The following PTPRT variants were observed in gnomAD, a reference collection of about 807,000 sequenced individuals.
PTPRT encodes the protein receptor-type tyrosine-protein phosphatase T.
PTPRT carries 56 observed loss-of-function variants against 176.8 expected under a neutral mutation model. The observed-to-expected ratio is 0.32, with a 90% CI of 0.26 to 0.40. The LOEUF is 0.40. PTPRT is among the 10% of genes least tolerant of loss of function. PTPRT has a pLI of 1.00. For synonymous variants in PTPRT, 783 were observed against 739.0 expected, an observed-to-expected ratio of 1.06 and a Z score of -0.96; for missense variants, 1,540 against 1,908.2, an observed-to-expected ratio of 0.81 and a Z score of 3.60.
At chr20:42,610,379 G>GTTTTTT (rs74271793) in intron 7 of PTPRT, among the ~76,000 whole-genome samples, 4 of 136,418 alleles carry the variant, frequency 2.9e-5, no homozygotes, top group Non-Finnish European at 6.5e-5. Context: ...TACTTGTTTT[G>GTTTTTT]TTTTTTTTTT....
At chr20:42,463,860 T>G (rs2071062403) in intron 8 of PTPRT, among the ~76,000 whole-genome samples, 1 of 152,214 alleles carries the variant, frequency 6.6e-6, no homozygotes, top group Non-Finnish European at 1.5e-5. Flanking sequence ...TTAGATAATT[T>G]TAGTCTCATA....
At position 42,933,089 on chromosome 20, in the gene PTPRT, C is replaced by T. The variant is rs182449282; in HGVS notation, c.89-47157G>A. ...TAATCTTTAATCTGGCCCTCAGGCT[C>T]TTTCTGGACCAGACTCCCCCATCTG... is the stretch of plus-strand genomic sequence containing the variant. On this transcript the variant is annotated intron_variant, in intron 1 of 30. Coordinates refer to ENST00000373187, the MANE Select transcript of PTPRT (RefSeq NM_007050.6). Among the ~76,000 whole-genome samples the T allele has an allele frequency of 2.0e-5, 3 of 152,250 alleles. No individual in the cohort carries two copies. In the East Asian group the frequency reaches 5.8e-4, roughly 30 times the overall value.
intron 1 of PTPRT, among the ~76,000 whole-genome samples, chr20:42,951,712 G>T (rs1379540940): frequency 6.6e-6 from 1 of 152,162 alleles, no homozygotes; most frequent in Non-Finnish European, 1.5e-5. Context: ...CTTGGTCTAG[G>T]ATAACAGCAG....
intron 1 of PTPRT, among the ~76,000 whole-genome samples, chr20:42,932,633 T>C (rs527460289): frequency 1.2e-3 from 177 of 152,290 alleles, no homozygotes; most frequent in African/African-American, 4.0e-3. Flanking sequence ...CCAAGAACTT[T>C]CCCAGTTTCT....
At chr20:42,727,109 G>C (rs1365980105) in intron 6 of PTPRT, among the ~76,000 whole-genome samples, 2 of 152,122 alleles carry the variant, frequency 1.3e-5, no homozygotes, top group Non-Finnish European at 2.9e-5. Flanking sequence ...AGACTGCCCT[G>C]CTGCTGACAG....
At chr20:42,518,026 A>G (rs948429962) in intron 7 of PTPRT, among the ~76,000 whole-genome samples, 3 of 151,994 alleles carry the variant, frequency 2.0e-5, no homozygotes, top group African/African-American at 7.2e-5. Flanking sequence ...AGAATATATT[A>G]ATATTGCTTA....
chr20:42,669,454 A>G (rs1194179791), intron 7 of PTPRT, among the ~76,000 whole-genome samples: 1 of 152,122 alleles, frequency 6.6e-6, no homozygotes, highest in Non-Finnish European at 1.5e-5. Context: ...CCGAAGATTT[A>G]TGGATCATCT....
intron 1 of PTPRT, among the ~76,000 whole-genome samples, chr20:42,893,330 A>G (rs2079228922): frequency 6.6e-6 from 1 of 152,244 alleles, no homozygotes; most frequent in South Asian, 2.1e-4. Context: ...CATACCAGTT[A>G]GAATGGCTAT....
At chr20:42,212,264 C>T (rs530058672) in intron 15 of PTPRT, among the ~76,000 whole-genome samples, 4 of 141,224 alleles carry the variant, frequency 2.8e-5, no homozygotes, top group Non-Finnish European at 6.0e-5. Flanking sequence ...TGTAACTAAC[C>T]TGCACAATGT....
intron 9 of PTPRT, among the ~76,000 whole-genome samples, chr20:42,428,273 C>T (rs2059184416): frequency 6.6e-6 from 1 of 152,226 alleles, no homozygotes; most frequent in Admixed American, 6.5e-5. Context: ...TCACTGGGTT[C>T]ACCCATCAAC....
At chr20:42,704,592 A>C (rs2146174761) in intron 6 of PTPRT, among the ~76,000 whole-genome samples, 1 of 152,210 alleles carries the variant, frequency 6.6e-6, no homozygotes, top group African/African-American at 2.4e-5. Context: ...GATCCTGTTA[A>C]CTGGAAAACC....
rs147843152 is a variant in PTPRT at position 42,924,874 on chromosome 20, C to T, written c.89-38942G>A. On this transcript the variant is annotated intron_variant, in intron 1 of 30. Transcript: ENST00000373187. ...GTACATCACCTGGGAGCTTGTTAAA[C>T]GCAGATTCTTGGGCTGTGCTCCAGG... 2.6e-3 allele frequency among the ~76,000 whole-genome samples: 396 copies of T among 152,280 alleles called. 1 individual carries two copies. The highest frequency in any genetic ancestry group is 8.8e-3 in the African/African-American group (364 of 41,550).
At chr20:42,347,545 A>G (rs116604788) in intron 11 of PTPRT, among the ~76,000 whole-genome samples, 89 of 152,332 alleles carry the variant, frequency 5.8e-4, no homozygotes, top group African/African-American at 2.1e-3. Context: ...CAGATGCACC[A>G]GGCATGACAC....
chr20:42,691,950 T>A (rs1250719285), intron 6 of PTPRT, among the ~76,000 whole-genome samples: 1 of 152,164 alleles, frequency 6.6e-6, no homozygotes, highest in South Asian at 2.1e-4. Context: ...CAGGCACTGT[T>A]CTAGGTATTT....
chr20:42,795,603 A>G (rs1410098175), intron 2 of PTPRT, among the ~76,000 whole-genome samples: 1 of 152,262 alleles, frequency 6.6e-6, no homozygotes, highest in Non-Finnish European at 1.5e-5. Context: ...CCCTGCAGAC[A>G]GGTGGCCCCG....
intron 7 of PTPRT, among the ~76,000 whole-genome samples, chr20:42,554,610 A>G (rs2072828680): frequency 6.6e-6 from 1 of 152,134 alleles, no homozygotes; most frequent in African/African-American, 2.4e-5. Flanking sequence ...TGTTCTGTAA[A>G]AACTGAAAAC....
chr20:43,139,855 G>A (rs761251474), intron 1 of PTPRT, among the ~76,000 whole-genome samples: 78 of 152,302 alleles, frequency 5.1e-4, no homozygotes, highest in Non-Finnish European at 9.8e-4. Flanking sequence ...CCTCATTGCA[G>A]AATGAGGGGA....
intron 3 of PTPRT, among the ~76,000 whole-genome samples, chr20:42,788,483 G>T (rs1225146367): frequency 6.6e-6 from 1 of 151,890 alleles, no homozygotes. Context: ...GTCACCCATG[G>T]GCAGGCCAAG....
Position 42,617,108 on chromosome 20 carries a change from C to A in PTPRT, c.1153+60758G>T, listed in dbSNP as rs1326220817. On this transcript the variant is annotated intron_variant, in intron 7 of 30. Coordinates refer to ENST00000373187, the MANE Select transcript of PTPRT (RefSeq NM_007050.6). ...GATAGCTCTTATTATTTTGAAATACCTCCCATCAATACCTAATTTATTGAG... is the reference window on the plus strand; with the variant it reads ...GATAGCTCTTATTATTTTGAAATACATCCCATCAATACCTAATTTATTGAG... 1.4e-4 allele frequency among the ~76,000 whole-genome samples: 19 copies of A among 137,092 alleles called. 3 individuals are homozygous for A. The highest frequency in any genetic ancestry group is 4.9e-4 in the African/African-American group (15 of 30,912). The allele number at this position is 137,092 out of a possible 152,430, so 89.9% of individuals were successfully genotyped here. A position where few individuals can be genotyped will look rare whatever the true frequency, so the allele number is the denominator to read the frequency against.
Sources: allele counts gnomAD v4.1 joint callset (sites outside exome capture counted in the v4.1 genomes callset), GRCh38; gene constraint gnomAD v4.1.1; transcripts MANE v1.5; gene names NCBI Gene and HGNC (gene_info 2026-07-23, HGNC 2026-07-21).